Variants in RGS6 observed in about 807,000 individuals in gnomAD.
RGS6 encodes the protein regulator of G protein signaling 6.
Under a neutral mutation model 78.5 loss-of-function variants are expected in RGS6, and 30 were observed. That is an observed-to-expected ratio of 0.38 (90% CI 0.29 to 0.52). The LOEUF (loss-of-function observed/expected upper bound fraction) is 0.52, where lower values mean the gene tolerates loss of function less well. RGS6 is among the 20% of genes least tolerant of loss of function. The probability of loss-of-function intolerance (pLI) is 0.85; values close to 1 mark genes in which losing one functional copy is unlikely to be tolerated. For missense variants in RGS6, 495 were observed against 609.7 expected (o/e 0.81, Z 1.98); for synonymous variants, 206 against 206.0 (o/e 1.00, Z 0.00).
the RGS6 span, among the ~76,000 whole-genome samples, chr14:71,900,724 T>G: frequency 6.6e-6 from 1 of 152,172 alleles, no homozygotes; most frequent in African/African-American, 2.4e-5. Flanking sequence ...TAGGCTGTTT[T>G]TTTATTGCTA....
intron 1 of RGS6, among the ~76,000 whole-genome samples, chr14:71,941,042 T>G (rs2090455373): frequency 6.6e-6 from 1 of 152,172 alleles, no homozygotes; most frequent in Non-Finnish European, 1.5e-5. Context: ...TAGTGTAATC[T>G]TAGCAGATTT....
the RGS6 span, among the ~76,000 whole-genome samples, chr14:72,581,460 C>T: frequency 6.6e-6 from 1 of 152,158 alleles, no homozygotes; most frequent in African/African-American, 2.4e-5. Flanking sequence ...CAATCCAGCC[C>T]TCTTCAATCT....
chr14:72,556,793 C>T (rs1054166337), intron 17 of RGS6, among the ~76,000 whole-genome samples: 1 of 151,974 alleles, frequency 6.6e-6, no homozygotes, highest in Admixed American at 6.6e-5. Flanking sequence ...CATGAATGTA[C>T]CATTTATTAA....
At chr14:72,600,893 C>G in the RGS6 span, among the ~76,000 whole-genome samples, 1 of 152,222 alleles carries the variant, frequency 6.6e-6, no homozygotes, top group East Asian at 1.9e-4. Context: ...GCACCTCCCA[C>G]TTGACTGTAG....
chr14:72,256,858 AT>A (rs1338809346), intron 2 of RGS6, among the ~76,000 whole-genome samples: 1 of 152,160 alleles, frequency 6.6e-6, no homozygotes, highest in Non-Finnish European at 1.5e-5. Flanking sequence ...CAGTTGTATA[AT>A]TTCATTTGAA....
At chr14:72,200,983 A>AAG (rs1567452796) in intron 2 of RGS6, among the ~76,000 whole-genome samples, 1 of 148,974 alleles carries the variant, frequency 6.7e-6, no homozygotes, top group African/African-American at 2.5e-5. Flanking sequence ...AAAAAAAAAA[A>AAG]AAAAGAAGAA....
At chr14:72,394,776 C>A (rs191277293) in intron 3 of RGS6, among the ~76,000 whole-genome samples, 1 of 151,954 alleles carries the variant, frequency 6.6e-6, no homozygotes, top group Non-Finnish European at 1.5e-5. Context: ...CCTCAGCTTA[C>A]GAAGATGACA....
At chr14:72,205,780 G>C (rs755149378) in intron 2 of RGS6, among the ~76,000 whole-genome samples, 50 of 152,192 alleles carry the variant, frequency 3.3e-4, no homozygotes, top group Non-Finnish European at 6.8e-4. Flanking sequence ...TTACTGATCA[G>C]TGTTTTCTAA....
chr14:72,221,404 A>G (rs1036792551), intron 2 of RGS6, among the ~76,000 whole-genome samples: 46 of 152,240 alleles, frequency 3.0e-4, no homozygotes, highest in Non-Finnish European at 4.4e-4. Flanking sequence ...GTTTAATTGT[A>G]CTGATTATTC....
intron 2 of RGS6, among the ~76,000 whole-genome samples, chr14:72,142,101 G>A (rs1255366385): frequency 6.6e-6 from 1 of 152,114 alleles, no homozygotes; most frequent in East Asian, 1.9e-4. Flanking sequence ...GATAGTTACT[G>A]TTAACGGTGC....
At chr14:72,213,420 C>G (rs1041440474) in intron 2 of RGS6, among the ~76,000 whole-genome samples, 1 of 152,152 alleles carries the variant, frequency 6.6e-6, no homozygotes, top group African/African-American at 2.4e-5. Flanking sequence ...ACAGGCCCTC[C>G]AAACTCCCTT....
intron 2 of RGS6, among the ~76,000 whole-genome samples, chr14:71,970,156 T>C (rs1327992885): frequency 6.6e-6 from 1 of 152,236 alleles, no homozygotes; most frequent in African/African-American, 2.4e-5. Context: ...ATATGCTATA[T>C]ACATAACAAG....
At chr14:72,342,150 C>G (rs2077128375) in intron 2 of RGS6, among the ~76,000 whole-genome samples, 1 of 152,116 alleles carries the variant, frequency 6.6e-6, no homozygotes, top group Non-Finnish European at 1.5e-5. Context: ...GTTCCATGTA[C>G]AATTCTCCTT....
At chr14:72,218,965 T>A (rs1163275942) in intron 2 of RGS6, among the ~76,000 whole-genome samples, 1 of 151,906 alleles carries the variant, frequency 6.6e-6, no homozygotes, top group Non-Finnish European at 1.5e-5. Flanking sequence ...GCCAGCAATA[T>A]GTCCCATGCC....
chr14:71,927,237 A>T, the RGS6 span, among the ~76,000 whole-genome samples: 9 of 152,354 alleles, frequency 5.9e-5, no homozygotes, highest in East Asian at 1.7e-3. Flanking sequence ...CTGTACATAT[A>T]CACATCCCTG....
intron 3 of RGS6, among the ~76,000 whole-genome samples, chr14:72,407,601 C>A (rs770090549): frequency 1.3e-5 from 2 of 152,178 alleles, no homozygotes; most frequent in Non-Finnish European, 2.9e-5. Flanking sequence ...CCTCAAGGTC[C>A]GTGTTATTCT....
At chr14:72,294,854 C>T (rs796815552) in intron 2 of RGS6, among the ~76,000 whole-genome samples, 2 of 152,244 alleles carry the variant, frequency 1.3e-5, no homozygotes, top group African/African-American at 2.4e-5. Flanking sequence ...GCCCTATCTC[C>T]AACATGGGGG....
At chr14:72,385,254 G>T (rs1025719941) in intron 3 of RGS6, among the ~76,000 whole-genome samples, 1 of 152,126 alleles carries the variant, frequency 6.6e-6, no homozygotes, top group Non-Finnish European at 1.5e-5. Flanking sequence ...ATCCTTTGCG[G>T]TTATCTCAAT....
chr14:72,352,415 T>C (rs113328114), intron 3 of RGS6, among the ~76,000 whole-genome samples: 93 of 152,314 alleles, frequency 6.1e-4, no homozygotes, highest in African/African-American at 2.1e-3. Flanking sequence ...TTCAAGTGCA[T>C]GTAGATTGAG....
Sources: gnomAD v4.1 joint callset for allele counts (sites outside exome capture counted in the v4.1 genomes callset) on GRCh38, gnomAD v4.1.1 for gene constraint, MANE v1.5 for transcripts, NCBI Gene and HGNC (gene_info 2026-07-23, HGNC 2026-07-21) for gene names.